Variants in TMEM132D observed in about 807,000 individuals in gnomAD.
TMEM132D encodes mature OL transmembrane protein.
A neutral mutation model predicts 62.3 loss-of-function variants in TMEM132D; 21 were observed. The observed-to-expected ratio is 0.34, with a 90% CI of 0.24 to 0.49. The LOEUF (loss-of-function observed/expected upper bound fraction) is 0.49. Ranked by LOEUF, TMEM132D falls within the 20% of genes least tolerant of loss-of-function variation. The pLI is 0.99. For synonymous variants in TMEM132D, 621 were observed against 575.6 expected (o/e 1.08, Z -1.13); for missense variants, 1,346 against 1,402.8 (o/e 0.96, Z 0.65).
intron 5 of TMEM132D, among the ~76,000 whole-genome samples, chr12:129,130,015 C>CTGTGTGTGTGTCTGTGTG (rs376534965): frequency 0.023 from 3,319 of 141,872 alleles, 80 homozygotes; most frequent in Non-Finnish European, 0.033. Flanking sequence ...AAGCTCTGCT[C>CTGTGTGTGTGTCTGTGTG]TGTGTGTGTG....
chr12:129,704,249 G>A (rs941626487), intron 1 of TMEM132D, among the ~76,000 whole-genome samples: 4 of 152,176 alleles, frequency 2.6e-5, no homozygotes, highest in South Asian at 2.1e-4. Flanking sequence ...ATAGTTGTCC[G>A]CTGAGTAGAT....
At chr12:129,522,900 C>T (rs12815051) in intron 3 of TMEM132D, 24 of 151,320 alleles carry the variant, frequency 1.6e-4, no homozygotes, top group Non-Finnish European at 3.4e-4. Flanking sequence ...TATGTAGACA[C>T]AGATTAGATA....
chr12:129,235,902 AG>A (rs1879766087), intron 4 of TMEM132D, among the ~76,000 whole-genome samples: 1 of 152,212 alleles, frequency 6.6e-6, no homozygotes, highest in African/African-American at 2.4e-5. Flanking sequence ...TGGAATTTCA[AG>A]GGGGACTGCA....
intron 2 of TMEM132D, among the ~76,000 whole-genome samples, chr12:129,626,075 T>C (rs1026754234): frequency 5.9e-5 from 9 of 151,730 alleles, no homozygotes; most frequent in African/African-American, 1.9e-4. Flanking sequence ...AGAATTTTAA[T>C]TGGTGTTGAG....
intron 2 of TMEM132D, among the ~76,000 whole-genome samples, chr12:129,584,587 A>G (rs891791626): frequency 1.3e-5 from 2 of 152,160 alleles, no homozygotes; most frequent in African/African-American, 4.8e-5. Context: ...GGTGGATGGA[A>G]TTGCTTTATC....
At chr12:129,409,200 T>C (rs781161291) in intron 3 of TMEM132D, among the ~76,000 whole-genome samples, 1 of 152,188 alleles carries the variant, frequency 6.6e-6, no homozygotes, top group Non-Finnish European at 1.5e-5. Context: ...CCCAAAGTGC[T>C]GGGATTACAG....
chr12:129,459,377 G>A (rs374536490), intron 3 of TMEM132D, among the ~76,000 whole-genome samples: 21 of 152,288 alleles, frequency 1.4e-4, no homozygotes, highest in East Asian at 1.2e-3. Flanking sequence ...TCTCTCCAAC[G>A]TTTATGGAGC....
intron 3 of TMEM132D, among the ~76,000 whole-genome samples, chr12:129,410,422 C>T (rs745989109): frequency 2.6e-5 from 4 of 152,176 alleles, no homozygotes; most frequent in African/African-American, 4.8e-5. Flanking sequence ...TGCAGTGGCA[C>T]GATCTCAGCT....
intron 5 of TMEM132D, among the ~76,000 whole-genome samples, chr12:129,125,641 ACATGTTTGGT>A (rs945813523): frequency 8.6e-5 from 13 of 151,360 alleles, no homozygotes; most frequent in Non-Finnish European, 1.5e-4. Context: ...GTGTGTACAA[ACATGTTTGGT>A]CAATTTTTCT....
At position 129,388,331 on chromosome 12, in the gene TMEM132D, AACACCG is replaced by A. The variant is rs1324490691; in HGVS notation, c.1116-50520_1116-50515del. ...TAACATGAATCCTAATATAAACACT[AACACCG>A]ACACCAATACTAACACCAACACCAA... On this transcript the variant is annotated intron_variant, in intron 3 of 8. Transcript: ENST00000422113. 2.4e-3 allele frequency among the ~76,000 whole-genome samples: 260 copies of A among 106,414 alleles called. 4 individuals are homozygous for A. The highest frequency in any genetic ancestry group is 4.1e-3 in the Non-Finnish European group (169 of 40,908). The allele number at this position is 106,414 out of a possible 152,430, so 69.8% of individuals were successfully genotyped here.
intron 1 of TMEM132D, among the ~76,000 whole-genome samples, chr12:129,714,270 C>T (rs1020637427): frequency 6.6e-6 from 1 of 152,250 alleles, no homozygotes; most frequent in African/African-American, 2.4e-5. Flanking sequence ...ACCCTTCCTC[C>T]TTCTGCCATA....
At chr12:129,284,940 G>A (rs1003591429) in intron 4 of TMEM132D, among the ~76,000 whole-genome samples, 2 of 152,188 alleles carry the variant, frequency 1.3e-5, no homozygotes, top group African/African-American at 4.8e-5. Context: ...GACTGCTAAG[G>A]GGTGCATGGC....
intron 2 of TMEM132D, among the ~76,000 whole-genome samples, chr12:129,654,705 C>G (rs893668841): frequency 6.6e-6 from 1 of 152,268 alleles, no homozygotes; most frequent in Non-Finnish European, 1.5e-5. Flanking sequence ...ACACAACCTC[C>G]CAAGGCCAGT....
At chr12:129,536,901 A>G (rs1202489437) in intron 2 of TMEM132D, among the ~76,000 whole-genome samples, 1 of 152,194 alleles carries the variant, frequency 6.6e-6, no homozygotes, top group Admixed American at 6.5e-5. Context: ...TCACGCCTGT[A>G]ATCCCAGCCA....
At chr12:129,380,283 A>C (rs1012412320) in intron 3 of TMEM132D, among the ~76,000 whole-genome samples, 18 of 152,214 alleles carry the variant, frequency 1.2e-4, no homozygotes, top group African/African-American at 3.9e-4. Flanking sequence ...TAGAAAAAAA[A>C]CTTCCATTTA....
chr12:129,230,324 G>T, intron 4 of TMEM132D, among the ~76,000 whole-genome samples: 1 of 150,120 alleles, frequency 6.7e-6, no homozygotes, highest in Non-Finnish European at 1.5e-5. Context: ...GGGCTCCCCA[G>T]CCTGGCCATC....
chr12:129,815,533 G>A (rs532793802), intron 1 of TMEM132D, among the ~76,000 whole-genome samples: 7 of 152,132 alleles, frequency 4.6e-5, no homozygotes, highest in African/African-American at 7.2e-5. Flanking sequence ...GCAGGGGCCC[G>A]ACTGCATTTC....
intron 2 of TMEM132D, among the ~76,000 whole-genome samples, chr12:129,679,237 T>C (rs1169643917): frequency 6.6e-6 from 1 of 152,050 alleles, no homozygotes; most frequent in Admixed American, 6.6e-5. Flanking sequence ...ACATGGTATA[T>C]CCATTTCTTT....
At chr12:129,810,929 G>A (rs1219888240) in intron 1 of TMEM132D, among the ~76,000 whole-genome samples, 5 of 152,064 alleles carry the variant, frequency 3.3e-5, no homozygotes, top group South Asian at 2.1e-4. Context: ...ATGGTATTGC[G>A]TGTCTAGAAC....
Sources: allele counts gnomAD v4.1 joint callset (sites outside exome capture counted in the v4.1 genomes callset), GRCh38; gene constraint gnomAD v4.1.1; transcripts MANE v1.5; gene names NCBI Gene and HGNC (gene_info 2026-07-23, HGNC 2026-07-21).